ARPC4: variants seen among roughly 807,000 people sequenced by gnomAD.
ARPC4 encodes actin related protein 2/3 complex subunit 4.
A neutral mutation model predicts 22.8 loss-of-function variants in ARPC4; 3 were observed. That is an observed-to-expected ratio of 0.13 (90% CI 0.06 to 0.34). The LOEUF is 0.34. ARPC4 is among the 10% of genes least tolerant of loss of function. ARPC4 has a pLI of 1.00. For synonymous variants in ARPC4, 80 were observed against 72.5 expected, an observed-to-expected ratio of 1.10 and a Z score of -0.52; for missense variants, 98 against 211.0, an observed-to-expected ratio of 0.46 and a Z score of 3.32.
intron 3 of ARPC4, 37 bp downstream of exon 3, chr3:9,800,333 C>T: frequency 6.3e-7 from 1 of 1,594,240 alleles, no homozygotes; most frequent in Non-Finnish European, 8.6e-7. Context: ...CGTAAGGCCT[C>T]TTTCAGTCCT....
intron 1 of ARPC4, among the ~76,000 whole-genome samples, chr3:9,796,759 G>A (rs1442850586): frequency 3.3e-5 from 5 of 151,990 alleles, no homozygotes; most frequent in African/African-American, 4.8e-5. Flanking sequence ...GGCTAACACC[G>A]TGAAACCCTG....
intron 4 of ARPC4, 112 bp downstream of exon 4, chr3:9,801,868 G>A: frequency 1.8e-6 from 2 of 1,096,338 alleles, no homozygotes; most frequent in Non-Finnish European, 2.6e-6. Context: ...TGCCTGAATT[G>A]AGAGTTGGCC....
intron 5 of ARPC4, 129 bp from the exon 6 acceptor site, chr3:9,806,081 C>T (rs2079101260): frequency 1.8e-6 from 2 of 1,096,966 alleles, no homozygotes; most frequent in Middle Eastern, 2.1e-4. Context: ...ACAAGGTGTC[C>T]TGGGACCCAA....
At chr3:9,803,491 A>C (rs2079054221) in intron 4 of ARPC4, 1 of 469,446 alleles carries the variant, frequency 2.1e-6, no homozygotes, top group African/African-American at 2.0e-5. Flanking sequence ...CCCATCTTCC[A>C]CATCATCTCT....
At chr3:9,793,274 G>A (rs2078794818) in intron 1 of ARPC4, 150 bp downstream of exon 1, 3 of 1,392,772 alleles carry the variant, frequency 2.2e-6, no homozygotes, top group African/African-American at 2.9e-5. Flanking sequence ...AAAGAGACGG[G>A]GCGGGGGCCC....
At chr3:9,803,419 C>T (rs1035559102) in intron 4 of ARPC4, 35 of 442,420 alleles carry the variant, frequency 7.9e-5, no homozygotes, top group Non-Finnish European at 1.3e-4. Flanking sequence ...TGGGGCCACC[C>T]GGAATAAATA....
chr3:9,792,877 C>T (rs2078776607), upstream of ARPC4: 1 of 1,385,336 alleles, frequency 7.2e-7, no homozygotes, highest in Non-Finnish European at 9.3e-7. Context: ...AGGGAAGCTG[C>T]ACCCATTCCT....
intron 1 of ARPC4, among the ~76,000 whole-genome samples, chr3:9,795,654 C>T (rs2078867229): frequency 6.6e-6 from 1 of 152,154 alleles, no homozygotes; most frequent in Non-Finnish European, 1.5e-5. Context: ...TTAATTATTT[C>T]TTTCGCTTAT....
rs755925436 is a variant in ARPC4, at chr3:9,796,663, A to T, written c.4-996A>T. On this transcript the variant is annotated intron_variant, in intron 1 of 5. Transcript: ENST00000397261. ...CTCCTAAGAATGTCCTTATTCTGGC[A>T]GGGTGTGGTGGCTCACGCCTGTAAA... is the stretch of plus-strand genomic sequence containing the variant. Among the ~76,000 whole-genome samples the T allele has an allele frequency of 3.9e-5, 6 of 152,032 alleles. No individual in the cohort carries two copies. In the South Asian group the frequency reaches 8.3e-4, roughly 21 times the overall value.
rs529248729 is a variant in ARPC4, at chr3:9,795,252, G to T, written c.3+2128G>T. ...TGACCTGAGGTGGTCCACCCACCTC[G>T]GCCTCCCAAAGTGCCGGGATTACAG... On this transcript the variant is annotated intron_variant, in intron 1 of 5. Transcript: ENST00000397261. 3.3e-5 allele frequency among the ~76,000 whole-genome samples: 5 copies of T among 152,156 alleles called. 1 individual carries two copies. In the East Asian group the frequency reaches 9.7e-4, roughly 29 times the overall value.
At chr3:9,801,391 G>T (rs375119918) in intron 3 of ARPC4, among the ~76,000 whole-genome samples, 43 of 152,154 alleles carry the variant, frequency 2.8e-4, no homozygotes, top group Middle Eastern at 3.4e-3. Context: ...AATGGAAAGG[G>T]CAGCTTGGAG....
chr3:9,806,398 A>C lies in ARPC4; in HGVS notation c.*183A>C. 1 of 698,052 alleles carries C rather than the reference A, an allele frequency of 1.4e-6. No homozygotes were observed. The highest frequency in any genetic ancestry group is 1.7e-5 in the South Asian group (1 of 60,594). 43.2% of individuals were successfully genotyped at this position (698,052 alleles called of 1,614,324 possible). Reference sequence around the variant, plus strand: ...AGAAAGCAGCAGTGGACCTGCCCCAAGGCCACACGTGCCTGGTCAGGCTGG... The same window carrying C: ...AGAAAGCAGCAGTGGACCTGCCCCACGGCCACACGTGCCTGGTCAGGCTGG... On this transcript the variant is annotated 3_prime_UTR_variant, in exon 6 of 6. Coordinates refer to ENST00000397261, the MANE Select transcript of ARPC4 (RefSeq NM_005718.5).
chr3:9,801,798 T>C, intron 4 of ARPC4, 42 bp downstream of exon 4: 2 of 1,533,920 alleles, frequency 1.3e-6, no homozygotes. Flanking sequence ...CCCAGGACCC[T>C]GTTACAGAAT....
At chr3:9,802,388 TTC>T (rs1491276996) in intron 4 of ARPC4, among the ~76,000 whole-genome samples, 2 of 151,308 alleles carry the variant, frequency 1.3e-5, no homozygotes, top group East Asian at 3.9e-4. Context: ...CTTTTTTTTT[TTC>T]TTTGAGACGG....
At chr3:9,792,728 T>TG (rs1410332851), upstream of ARPC4, 8 of 1,235,856 alleles carry the variant, frequency 6.5e-6, no homozygotes, top group East Asian at 3.2e-5. Flanking sequence ...AGAGAAAGGA[T>TG]GGGGGTACAG....
chr3:9,797,475 G>T (rs1387637654), intron 1 of ARPC4, among the ~76,000 whole-genome samples, 184 bp from the exon 2 acceptor site: 2 of 152,158 alleles, frequency 1.3e-5, no homozygotes, highest in African/African-American at 4.8e-5. Context: ...ATTGTCTCCT[G>T]TTGAAAACTA....
intron 5 of ARPC4, among the ~76,000 whole-genome samples, chr3:9,805,385 T>G (rs1461873063): frequency 6.6e-6 from 1 of 152,158 alleles, no homozygotes; most frequent in Non-Finnish European, 1.5e-5. Flanking sequence ...GAGCTGGGTT[T>G]TCGGACTCAG....
chr3:9,806,323 G>A lies in ARPC4; in HGVS notation c.*108G>A, dbSNP rs1347328868. 7.5e-7 allele frequency: 1 copy of A among 1,330,522 alleles called. No individual in the cohort carries two copies. The allele number at this position is 1,330,522 out of a possible 1,614,324, so 82.4% of individuals were successfully genotyped here. A position where few individuals can be genotyped will look rare whatever the true frequency, so the allele number is the denominator to read the frequency against. On this transcript the variant is annotated 3_prime_UTR_variant, in exon 6 of 6. Coordinates refer to ENST00000397261, the MANE Select transcript of ARPC4 (RefSeq NM_005718.5). Reference sequence around the variant, plus strand: ...CGCGGCGGCGGCAGGGAGTTGGGTTGGGGTGGGCATTTGATGCGGGAGGTG... The same window carrying A: ...CGCGGCGGCGGCAGGGAGTTGGGTTAGGGTGGGCATTTGATGCGGGAGGTG...
rs575847003 is a variant in ARPC4 at position 9,806,675 on chromosome 3, T to C, written c.*460T>C. On this transcript the variant is annotated 3_prime_UTR_variant, in exon 6 of 6. Transcript: ENST00000397261. ...ACCCCAGGTGGGGAGGGAGGGAGGTTTCAGACTCCAGTTTCTCCCTTGCCC... is the reference window on the plus strand; with the variant it reads ...ACCCCAGGTGGGGAGGGAGGGAGGTCTCAGACTCCAGTTTCTCCCTTGCCC... 2.6e-4 allele frequency: 47 copies of C among 178,586 alleles called. No individual in the cohort carries two copies. Among genetic ancestry groups the C allele is most frequent in the Non-Finnish European group, 1.3e-4 (11 of 84,492 alleles). 11.1% of individuals were successfully genotyped at this position (178,586 alleles called of 1,614,324 possible).
Sources: gnomAD v4.1 joint callset for allele counts (sites outside exome capture counted in the v4.1 genomes callset) on GRCh38, gnomAD v4.1.1 for gene constraint, MANE v1.5 for transcripts, NCBI Gene and HGNC (gene_info 2026-07-23, HGNC 2026-07-21) for gene names.